The following UXS1 variants were observed in gnomAD, a reference collection of about 807,000 sequenced individuals.
The protein encoded by UXS1 is UDP-glucuronate decarboxylase 1, also known as UDP-glucuronic acid decarboxylase 1.
Under a neutral mutation model 62.6 loss-of-function variants are expected in UXS1, and 33 were observed. The observed-to-expected ratio is 0.53, with a 90% confidence interval of 0.40 to 0.70. The LOEUF is 0.70. Among genes scored for constraint, UXS1 ranks in the 30% least tolerant of loss-of-function variants. The pLI is 0.00. For missense variants in UXS1, 434 were observed against 556.3 expected, an observed-to-expected ratio of 0.78 and a Z score of 2.21; for synonymous variants, 213 against 206.8, an observed-to-expected ratio of 1.03 and a Z score of -0.26.
chr2:106,186,632 TCCTAGATTTTAAACTAAACAAAAAAAA>T (rs1239413579), intron 1 of UXS1, among the ~76,000 whole-genome samples: 1 of 152,008 alleles, frequency 6.6e-6, no homozygotes, highest in Admixed American at 6.6e-5. Context: ...CTTGACTGGG[TCCTAGATTTTAAACTAAACAAAAAAAA>T]ATTTTTTAAT....
At chr2:106,148,611 A>T (rs990666961) in intron 5 of UXS1, among the ~76,000 whole-genome samples, 14 of 151,748 alleles carry the variant, frequency 9.2e-5, no homozygotes, top group Non-Finnish European at 1.9e-4. Context: ...ATGCACTGGA[A>T]TTTTTTTTTC....
chr2:106,164,440 A>T (rs1305934423), intron 3 of UXS1, among the ~76,000 whole-genome samples: 1 of 152,162 alleles, frequency 6.6e-6, no homozygotes, highest in Admixed American at 6.5e-5. Flanking sequence ...GTTTGTACTC[A>T]TCTCTATCTC....
chr2:106,179,620 A>G (rs2105101738), intron 1 of UXS1: 1 of 152,364 alleles, frequency 6.6e-6, no homozygotes, highest in East Asian at 1.9e-4. Flanking sequence ...TAAATATTGC[A>G]TTCTATCCTT....
At chr2:106,103,306 T>C (rs4851920) in intron 11 of UXS1, among the ~76,000 whole-genome samples, 112,625 of 152,178 alleles carry the variant, frequency 0.74, 41,969 homozygotes, top group South Asian at 0.78. Flanking sequence ...CTGGTTTCCT[T>C]TTACCGCACA....
chr2:106,122,321 T>C (rs1386503693), intron 9 of UXS1, among the ~76,000 whole-genome samples: 1 of 152,204 alleles, frequency 6.6e-6, no homozygotes, highest in East Asian at 1.9e-4. Flanking sequence ...GCACAGTTCA[T>C]TGGCTCCTGC....
chr2:106,154,319 T>G (rs1682262856), intron 5 of UXS1, among the ~76,000 whole-genome samples: 1 of 152,238 alleles, frequency 6.6e-6, no homozygotes, highest in Non-Finnish European at 1.5e-5. Flanking sequence ...AAAACAGATG[T>G]ACTAGGTTGG....
chr2:106,192,519 A>C (rs1254223984), intron 1 of UXS1, among the ~76,000 whole-genome samples: 2 of 150,374 alleles, frequency 1.3e-5, no homozygotes, highest in Non-Finnish European at 3.0e-5. Context: ...GCGCCCCTGC[A>C]CTCCAGCCTG....
rs1436118060 is a variant in UXS1 at position 106,164,796 on chromosome 2, A to G, written c.126T>C (p.Phe42=). The G allele has an allele frequency of 2.5e-6, 4 of 1,584,926 alleles. No individual in the cohort carries two copies. The highest frequency in any genetic ancestry group is 3.4e-6 in the Non-Finnish European group (4 of 1,165,796). The part of the protein sequence containing the change: ...SVWGNFVNMS[F]LLNRSIQENG... ...TTTCCTGGATAGACCTGTTGAGTAG[A>G]AAGCTATAAAACTGAGATCAACTGA... Residue 42 remains phenylalanine, a synonymous_variant, in exon 3 of 15, where the codon TTT becomes TTC. Coordinates refer to ENST00000283148, the MANE Select transcript of UXS1 (RefSeq NM_001253875.2).
intron 10 of UXS1, 147 bp from the exon 11 acceptor site, chr2:106,104,984 G>C: frequency 1.1e-6 from 1 of 902,804 alleles, no homozygotes; most frequent in East Asian, 2.4e-5. Flanking sequence ...ACCACATCCC[G>C]CACTCTACTT....
chr2:106,162,984 T>C (rs1329052817), intron 4 of UXS1, among the ~76,000 whole-genome samples: 1 of 152,226 alleles, frequency 6.6e-6, no homozygotes, highest in Non-Finnish European at 1.5e-5. Flanking sequence ...TAATAAATGC[T>C]GTCATTTTTC....
chr2:106,165,828 C>T (rs1442983658), intron 2 of UXS1, among the ~76,000 whole-genome samples: 1 of 152,030 alleles, frequency 6.6e-6, no homozygotes, highest in Non-Finnish European at 1.5e-5. Flanking sequence ...CGGGGGTGGC[C>T]GACCATTGTT....
At chr2:106,113,058 G>GT (rs777746941) in intron 9 of UXS1, among the ~76,000 whole-genome samples, 2 of 152,090 alleles carry the variant, frequency 1.3e-5, no homozygotes, top group African/African-American at 4.8e-5. Flanking sequence ...GGAAAAACGT[G>GT]TATTTATATA....
chr2:106,140,219 G>A (rs752657334), intron 6 of UXS1, among the ~76,000 whole-genome samples: 1 of 152,194 alleles, frequency 6.6e-6, no homozygotes, highest in Non-Finnish European at 1.5e-5. Flanking sequence ...CAGTGCTGTC[G>A]ACTGTTCTGA....
At chr2:106,156,451 G>A (rs768934415) in intron 5 of UXS1, among the ~76,000 whole-genome samples, 4 of 152,162 alleles carry the variant, frequency 2.6e-5, no homozygotes, top group African/African-American at 4.8e-5. Flanking sequence ...ATGTACAATG[G>A]CGCAGCTGCT....
At chr2:106,125,832 A>G (rs917532159) in intron 7 of UXS1, among the ~76,000 whole-genome samples, 153 bp from the exon 8 acceptor site, 1 of 152,236 alleles carries the variant, frequency 6.6e-6, no homozygotes, top group Admixed American at 6.5e-5. Context: ...ACCAAAATAA[A>G]CAAAACAAAT....
At chr2:106,190,809 T>C (rs1040269932) in intron 1 of UXS1, among the ~76,000 whole-genome samples, 6 of 151,136 alleles carry the variant, frequency 4.0e-5, no homozygotes, top group Non-Finnish European at 8.8e-5. Flanking sequence ...CAGGGGATAC[T>C]GTTTGGCCCT....
chr2:106,186,453 T>TACACACAC (rs753781104), intron 1 of UXS1, among the ~76,000 whole-genome samples: 936 of 11,400 alleles, frequency 0.082, 4 homozygotes, highest in South Asian at 0.38. Flanking sequence ...TATATATATA[T>TACACACAC]ATATACACAC....
intron 1 of UXS1, among the ~76,000 whole-genome samples, chr2:106,176,024 C>T (rs1683855467): frequency 6.6e-6 from 1 of 152,208 alleles, no homozygotes; most frequent in African/African-American, 2.4e-5. Context: ...TCCCTCCTCA[C>T]CCACAGCTTG....
intron 2 of UXS1, among the ~76,000 whole-genome samples, chr2:106,165,499 T>C (rs544949892): frequency 6.6e-6 from 1 of 152,214 alleles, no homozygotes; most frequent in Non-Finnish European, 1.5e-5. Context: ...TGCTTATTTC[T>C]TTTTGCTGAT....
Sources: allele counts gnomAD v4.1 joint callset (sites outside exome capture counted in the v4.1 genomes callset), GRCh38; gene constraint gnomAD v4.1.1; transcripts MANE v1.5; gene names NCBI Gene and HGNC (gene_info 2026-07-23, HGNC 2026-07-21).